Variants in GPC5 observed in about 807,000 individuals in gnomAD.
The protein encoded by GPC5 is glypican 5.
GPC5 carries 47 observed loss-of-function variants against 53.9 expected under a neutral mutation model. The observed-to-expected ratio is 0.87, with a 90% CI of 0.69 to 1.11. The LOEUF is 1.11. Among genes scored for constraint, GPC5 ranks in the 50% most tolerant of loss-of-function variants. GPC5 has a pLI of 0.00. For synonymous variants in GPC5, 286 were observed against 263.3 expected, an observed-to-expected ratio of 1.09 and a Z score of -0.84; for missense variants, 748 against 713.1, an observed-to-expected ratio of 1.05 and a Z score of -0.56.
chr13:92,783,653 G>A (rs1427743170), intron 7 of GPC5, among the ~76,000 whole-genome samples: 1 of 152,112 alleles, frequency 6.6e-6, no homozygotes, highest in African/African-American at 2.4e-5. Flanking sequence ...TCACAAAGGA[G>A]CTCTAGGCCA....
chr13:91,995,947 T>C (rs2040499752), intron 6 of GPC5: 1 of 152,232 alleles, frequency 6.6e-6, no homozygotes, highest in Admixed American at 6.5e-5. Flanking sequence ...CTCTACCACC[T>C]GCTAGAGGCT....
chr13:91,413,680 C>A (rs1312659502), intron 1 of GPC5, among the ~76,000 whole-genome samples: 1 of 152,214 alleles, frequency 6.6e-6, no homozygotes, highest in African/African-American at 2.4e-5. Context: ...GGGATTGAGT[C>A]CAATAGCAGC....
chr13:92,012,125 C>G (rs529269113), intron 6 of GPC5, among the ~76,000 whole-genome samples: 270 of 152,190 alleles, frequency 1.8e-3, no homozygotes, highest in Non-Finnish European at 2.7e-3. Flanking sequence ...TGAGTTTAGT[C>G]AAATATATTT....
At chr13:92,089,468 T>C (rs540483453) in intron 6 of GPC5, among the ~76,000 whole-genome samples, 1 of 150,836 alleles carries the variant, frequency 6.6e-6, no homozygotes, top group Non-Finnish European at 1.5e-5. Context: ...CCAGAATTGG[T>C]TAATTTCAAA....
At chr13:92,163,558 A>C (rs1048913557) in intron 7 of GPC5, among the ~76,000 whole-genome samples, 1 of 152,034 alleles carries the variant, frequency 6.6e-6, no homozygotes. Context: ...TTTCCCCAAC[A>C]TGCAGAATAT....
intron 7 of GPC5, among the ~76,000 whole-genome samples, chr13:92,702,145 G>T (rs1000397980): frequency 6.6e-6 from 1 of 152,072 alleles, no homozygotes; most frequent in Non-Finnish European, 1.5e-5. Flanking sequence ...TACCTCCTTT[G>T]CTATATTCTG....
chr13:92,553,328 T>C (rs979587491), intron 7 of GPC5, among the ~76,000 whole-genome samples: 7 of 151,984 alleles, frequency 4.6e-5, no homozygotes, highest in African/African-American at 1.7e-4. Context: ...GCCTATGCCA[T>C]TATTGTATTA....
chr13:91,614,297 C>A (rs984884746), intron 2 of GPC5, among the ~76,000 whole-genome samples: 3 of 152,150 alleles, frequency 2.0e-5, no homozygotes, highest in African/African-American at 7.2e-5. Flanking sequence ...TGGTATCAGG[C>A]AACTCAGGAA....
chr13:92,306,312 T>C (rs914369795), intron 7 of GPC5, among the ~76,000 whole-genome samples: 1 of 152,190 alleles, frequency 6.6e-6, no homozygotes, highest in African/African-American at 2.4e-5. Flanking sequence ...TCAATGCCTC[T>C]GCAATATAAT....
intron 7 of GPC5, among the ~76,000 whole-genome samples, chr13:92,715,580 C>T (rs989928663): frequency 5.3e-5 from 8 of 152,150 alleles, no homozygotes; most frequent in African/African-American, 1.7e-4. Context: ...AGTAATAATG[C>T]TATCTGGACT....
At chr13:91,708,006 A>G (rs927282015) in intron 3 of GPC5, among the ~76,000 whole-genome samples, 9 of 152,190 alleles carry the variant, frequency 5.9e-5, no homozygotes, top group African/African-American at 2.2e-4. Context: ...ACATGCCACA[A>G]TATTATTGGA....
intron 7 of GPC5, among the ~76,000 whole-genome samples, chr13:92,777,335 CAAAAA>C (rs71202561): frequency 1.6e-5 from 1 of 63,464 alleles, no homozygotes. Context: ...GACTCCATCT[CAAAAA>C]AAAAAAAAAA....
intron 7 of GPC5, among the ~76,000 whole-genome samples, chr13:92,253,853 T>C (rs1489372306): frequency 6.6e-6 from 1 of 152,072 alleles, no homozygotes; most frequent in Non-Finnish European, 1.5e-5. Flanking sequence ...AAAATATTAT[T>C]AGTTAGGGTC....
intron 2 of GPC5, among the ~76,000 whole-genome samples, chr13:91,631,261 C>G (rs2034150835): frequency 6.6e-6 from 1 of 152,058 alleles, no homozygotes; most frequent in South Asian, 2.1e-4. Flanking sequence ...ACTGATGGGG[C>G]CTGGCCAGTT....
At chr13:92,634,499 G>A (rs1289524540) in intron 7 of GPC5, among the ~76,000 whole-genome samples, 1 of 151,920 alleles carries the variant, frequency 6.6e-6, no homozygotes, top group African/African-American at 2.4e-5. Flanking sequence ...TTCTTATATT[G>A]AGTATTCGAT....
chr13:91,601,291 A>T (rs1460958513), intron 2 of GPC5, among the ~76,000 whole-genome samples: 2 of 152,184 alleles, frequency 1.3e-5, no homozygotes, highest in African/African-American at 4.8e-5. Flanking sequence ...ATATTACCTA[A>T]TGAAATTTAT....
chr13:92,235,560 T>G (rs2042563659), intron 7 of GPC5, among the ~76,000 whole-genome samples: 1 of 152,126 alleles, frequency 6.6e-6, no homozygotes, highest in Non-Finnish European at 1.5e-5. Flanking sequence ...TAGGATGGTG[T>G]TCGATTTAGA....
chr13:91,449,188 C>T (rs1465037393), intron 2 of GPC5, among the ~76,000 whole-genome samples: 4 of 151,950 alleles, frequency 2.6e-5, no homozygotes, highest in African/African-American at 9.7e-5. Flanking sequence ...TAGGGTTCTT[C>T]CAGGTCTGCC....
At chr13:91,500,493 C>G (rs899054952) in intron 2 of GPC5, among the ~76,000 whole-genome samples, 6 of 152,118 alleles carry the variant, frequency 3.9e-5, no homozygotes, top group Non-Finnish European at 7.4e-5. Flanking sequence ...CTCAGTTAAA[C>G]TTGAATTTCA....
Sources: gnomAD v4.1 joint callset for allele counts (sites outside exome capture counted in the v4.1 genomes callset) on GRCh38, gnomAD v4.1.1 for gene constraint, MANE v1.5 for transcripts, NCBI Gene and HGNC (gene_info 2026-07-23, HGNC 2026-07-21) for gene names.